SLC8A1: variants seen among roughly 807,000 people sequenced by gnomAD.
The protein encoded by SLC8A1 is solute carrier family 8 member A1, also known as sodium/calcium exchanger 1.
A neutral mutation model predicts 68.3 loss-of-function variants in SLC8A1; 18 were observed. The ratio of observed to expected loss-of-function variants is 0.26; its 90% CI spans 0.18 to 0.39. The LOEUF is 0.39. SLC8A1 is among the 10% of genes least tolerant of loss of function. The probability of loss-of-function intolerance (pLI) is 1.00; values close to 1 mark genes in which losing one functional copy is unlikely to be tolerated. For missense variants in SLC8A1, 985 were observed against 1,156.7 expected (o/e 0.85, Z 2.15); for synonymous variants, 475 against 415.5 (o/e 1.14, Z -1.74).
In SLC8A1 at chr2:40,307,025, G is replaced by A. The variant is rs374645600; in HGVS notation, c.1808+121448C>T. ...TATATCCAAAATATTCACAAGAAAG[G>A]TCTTCAAGAAATATTTGCTCATCCA... On this transcript the variant is annotated intron_variant, in intron 2 of 7. Coordinates refer to ENST00000406785, the Ensembl canonical transcript of SLC8A1. 1.5e-4 allele frequency among the ~76,000 whole-genome samples: 23 copies of A among 152,088 alleles called. No homozygotes were observed. In the East Asian group the frequency reaches 3.1e-3, roughly 20 times the overall value.
intron 1 of SLC8A1, among the ~76,000 whole-genome samples, chr2:40,457,749 G>A (rs1472780992): frequency 6.6e-6 from 1 of 152,156 alleles, no homozygotes; most frequent in Non-Finnish European, 1.5e-5. Flanking sequence ...CTTTGGGTTT[G>A]TTTCAGCATT....
At chr2:40,236,378 C>A (rs1051596449) in intron 2 of SLC8A1, among the ~76,000 whole-genome samples, 70 of 152,256 alleles carry the variant, frequency 4.6e-4, no homozygotes, top group Non-Finnish European at 8.5e-4. Context: ...CTCTTTTGAT[C>A]TTTGTTGGTT....
chr2:40,198,240 G>A (rs184524782), intron 2 of SLC8A1, among the ~76,000 whole-genome samples: 1 of 151,986 alleles, frequency 6.6e-6, no homozygotes, highest in East Asian at 1.9e-4. Flanking sequence ...GGAGGGATTA[G>A]TGTTTTGGAA....
chr2:40,139,354 A>G, intron 7 of SLC8A1, 47 bp downstream of exon 10: 1 of 1,601,628 alleles, frequency 6.2e-7, no homozygotes, highest in Non-Finnish European at 8.5e-7. Context: ...CAAGAAGGCA[A>G]ATGAACTTCT....
intron 2 of SLC8A1, among the ~76,000 whole-genome samples, chr2:40,378,865 G>C (rs889432826): frequency 3.9e-5 from 6 of 152,032 alleles, no homozygotes; most frequent in Non-Finnish European, 7.4e-5. Flanking sequence ...TCCTAGAGAG[G>C]TCTTCTTTGA....
chr2:40,133,488 G>A (rs1376698187), intron 7 of SLC8A1, among the ~76,000 whole-genome samples: 1 of 151,640 alleles, frequency 6.6e-6, no homozygotes, highest in African/African-American at 2.4e-5. Context: ...AGAATCCAAG[G>A]GATAAAAGAA....
At chr2:40,245,543 T>C (rs1212106264) in intron 2 of SLC8A1, among the ~76,000 whole-genome samples, 1 of 152,186 alleles carries the variant, frequency 6.6e-6, no homozygotes. Flanking sequence ...CTGTGCTGTA[T>C]GTACCTGTTT....
At chr2:40,136,021 T>A (rs1288112190) in intron 7 of SLC8A1, among the ~76,000 whole-genome samples, 1 of 152,168 alleles carries the variant, frequency 6.6e-6, no homozygotes, top group African/African-American at 2.4e-5. Flanking sequence ...TTAGCAGTCA[T>A]TGGCATATAG....
chr2:40,233,281 G>A (rs1049680943), intron 2 of SLC8A1, among the ~76,000 whole-genome samples: 22 of 152,164 alleles, frequency 1.4e-4, no homozygotes, highest in Non-Finnish European at 2.1e-4. Flanking sequence ...ACTTTTTAAT[G>A]ATCACCATTC....
intron 2 of SLC8A1, among the ~76,000 whole-genome samples, chr2:40,298,025 G>A (rs1485330492): frequency 6.6e-6 from 1 of 152,034 alleles, no homozygotes; most frequent in African/African-American, 2.4e-5. Context: ...GATTACAGGT[G>A]TGCACCACCA....
At chr2:40,338,142 A>G (rs1053707513) in intron 2 of SLC8A1, among the ~76,000 whole-genome samples, 16 of 151,914 alleles carry the variant, frequency 1.1e-4, no homozygotes, top group African/African-American at 3.6e-4. Context: ...CCTTTATCCA[A>G]TAAGGCTACA....
At chr2:40,221,598 G>C (rs928414640) in intron 2 of SLC8A1, among the ~76,000 whole-genome samples, 2 of 152,168 alleles carry the variant, frequency 1.3e-5, no homozygotes, top group Non-Finnish European at 2.9e-5. Flanking sequence ...ATTTGTCTCT[G>C]TTTGCAGATG....
At chr2:40,495,262 C>A (rs1171434034) in intron 1 of SLC8A1, among the ~76,000 whole-genome samples, 1 of 151,846 alleles carries the variant, frequency 6.6e-6, no homozygotes, top group East Asian at 1.9e-4. Flanking sequence ...CATTTAAATT[C>A]TGGCTATTTT....
chr2:40,142,549 T>C (rs192295007), intron 6 of SLC8A1, among the ~76,000 whole-genome samples: 7 of 152,312 alleles, frequency 4.6e-5, no homozygotes, highest in Admixed American at 2.0e-4. Flanking sequence ...TGCTGCCTTT[T>C]CTCTACAAAA....
chr2:40,111,063 G>T (rs1247339944), exon 8 of SLC8A1: 1 of 152,132 alleles, frequency 6.6e-6, no homozygotes, highest in Non-Finnish European at 1.5e-5. Context: ...GCATGCATCA[G>T]AATTTTTGCA....
At chr2:40,193,150 A>AAGAT (rs1232341413) in intron 2 of SLC8A1, among the ~76,000 whole-genome samples, 1 of 152,154 alleles carries the variant, frequency 6.6e-6, no homozygotes, top group African/African-American at 2.4e-5. Flanking sequence ...TTTAGATAAA[A>AAGAT]AGATAGGGTT....
At chr2:40,117,307 G>A (rs552021725) in intron 7 of SLC8A1, among the ~76,000 whole-genome samples, 12 of 150,822 alleles carry the variant, frequency 8.0e-5, no homozygotes, top group African/African-American at 2.9e-4. Flanking sequence ...TACTTTGGGA[G>A]GCCGAGATGG....
intron 2 of SLC8A1, chr2:40,210,000 T>C (rs2056282728): frequency 6.6e-6 from 1 of 152,268 alleles, no homozygotes; most frequent in Non-Finnish European, 1.5e-5. Context: ...TATTGATTGA[T>C]CTGAGTTGGC....
At chr2:40,397,954 A>G (rs1687512258) in intron 2 of SLC8A1, among the ~76,000 whole-genome samples, 1 of 152,140 alleles carries the variant, frequency 6.6e-6, no homozygotes, top group Admixed American at 6.5e-5. Flanking sequence ...GGGACACTGA[A>G]CTTACACATT....
Sources: gnomAD v4.1 joint callset for allele counts (sites outside exome capture counted in the v4.1 genomes callset) on GRCh38, gnomAD v4.1.1 for gene constraint, MANE v1.5 for transcripts, NCBI Gene and HGNC (gene_info 2026-07-23, HGNC 2026-07-21) for gene names.